HOXA11: variants seen among roughly 807,000 people sequenced by gnomAD.
HOXA11 encodes homeobox protein Hox-A11.
A neutral mutation model predicts 22.5 loss-of-function variants in HOXA11; 8 were observed. The ratio of observed to expected loss-of-function variants is 0.36; its 90% CI spans 0.21 to 0.64. The LOEUF (loss-of-function observed/expected upper bound fraction) is 0.64, where lower values mean the gene tolerates loss of function less well. Ranked by LOEUF, HOXA11 falls within the 30% of genes least tolerant of loss-of-function variation. The pLI, the probability that HOXA11 is intolerant of heterozygous loss-of-function variation, is 0.67. For missense variants in HOXA11, 388 were observed against 429.0 expected (o/e 0.90, Z 0.84); for synonymous variants, 211 against 188.4 (o/e 1.12, Z -0.98).
Position 27,184,836 on chromosome 7 carries a change from A to C in HOXA11, c.309T>G (p.Pro103=), listed in dbSNP as rs201074014. 2.3e-5 allele frequency: 37 copies of C among 1,613,398 alleles called. No individual in the cohort carries two copies. Among genetic ancestry groups the C allele is most frequent in the Admixed American group, 6.7e-5 (4 of 59,998 alleles). ...CLQAPSAAGV[P]GDVLAKSSAN... is the part of the protein sequence containing the mutation. ...CCGAGCTCTTGGCCAGCACGTCGCCAGGCACGCCGGCCGCGCTGGGCGCCT... is the reference window on the plus strand; with the variant it reads ...CCGAGCTCTTGGCCAGCACGTCGCCCGGCACGCCGGCCGCGCTGGGCGCCT... Residue 103 remains proline, a synonymous_variant, in exon 1 of 2, where the codon CCT becomes CCG. Transcript: ENST00000006015.
Position 27,185,202 on chromosome 7 carries a change from G to T in HOXA11, c.-58C>A. The T allele has an allele frequency of 6.2e-7, 1 of 1,611,368 alleles. No homozygotes were observed. Among genetic ancestry groups the T allele is most frequent in the Non-Finnish European group, 8.5e-7 (1 of 1,179,124 alleles). On this transcript the variant is annotated 5_prime_UTR_variant, in exon 1 of 2. The change creates a new upstream start codon in the 5' untranslated region. Coordinates refer to ENST00000006015, the MANE Select transcript of HOXA11 (RefSeq NM_005523.6). ...GAGCTTAACATGATTCTCCACTGCA[G>T]CTGCCTCTTTGAAGCGGATCCGTGA...
Position 27,185,172 on chromosome 7 carries a change from T to C in HOXA11, c.-28A>G. ...TTGGGCTACCTTGGGCTCTCCGCAG[T>C]AGCCGAGCTTAACATGATTCTCCAC... On this transcript the variant is annotated 5_prime_UTR_variant, in exon 1 of 2. Coordinates refer to ENST00000006015, the MANE Select transcript of HOXA11 (RefSeq NM_005523.6). The C allele has an allele frequency of 6.2e-7, 1 of 1,613,328 alleles. No individual in the cohort carries two copies. Among genetic ancestry groups the C allele is most frequent in the Non-Finnish European group, 8.5e-7 (1 of 1,179,982 alleles).
rs749443046 is a variant in HOXA11 at position 27,184,587 on chromosome 7, C to T, written c.558G>A (p.Ala186=). 11 of 1,495,724 alleles carry T rather than the reference C, an allele frequency of 7.4e-6. No individual in the cohort carries two copies. Among genetic ancestry groups the T allele is most frequent in the South Asian group, 5.2e-5 (4 of 77,652 alleles). The allele number at this position is 1,495,724 out of a possible 1,614,324, so 92.7% of individuals were successfully genotyped here. ...SAAAAAAATG[A]PATSSSDSGG... is the part of the protein sequence containing the mutation. The stretch of plus-strand genomic sequence containing the variant: ...CGCTGTCCGAACTTGAAGTTGCCGG[C>T]GCGCCCGTTGCAGCCGCCGCCGCCG... Residue 186 remains alanine, a synonymous_variant, in exon 1 of 2, where the codon GCG becomes GCA. Transcript: ENST00000006015.
At chr7:27,184,359 TA>T in intron 1 of HOXA11, 76 bp downstream of exon 1, 1 of 1,422,394 alleles carries the variant, frequency 7.0e-7, no homozygotes. Flanking sequence ...AAACAGCATA[TA>T]AAAATTTAAC....
chr7:27,185,089 G>C lies in HOXA11; in HGVS notation c.56C>G (p.Thr19Ser), dbSNP rs200901022. ...CSSNMYLPSC[T>S]YYVSGPDFSS... ...GAAATCTGGACCCGAGACGTAGTAA[G>C]TACAACTTGGCAAATACATGTTAGA... The change falls in exon 1 of 2, where the codon ACT becomes AGT. Residue 19 changes from threonine (T) to serine (S), a missense_variant. Transcript: ENST00000006015. 1.2e-6 allele frequency: 2 copies of C among 1,614,180 alleles called. No individual in the cohort carries two copies. The highest frequency in any genetic ancestry group is 3.3e-5 in the Admixed American group (2 of 60,034).
At position 27,182,631 on chromosome 7, in the gene HOXA11, T is replaced by A. The variant is rs1397924418; in HGVS notation, c.*165A>T. 2.9e-6 allele frequency: 2 copies of A among 688,384 alleles called. No homozygotes were observed. The highest frequency in any genetic ancestry group is 3.5e-5 in the African/African-American group (2 of 56,392). 42.6% of individuals were successfully genotyped at this position (688,384 alleles called of 1,614,324 possible). On this transcript the variant is annotated 3_prime_UTR_variant, in exon 2 of 2. Transcript: ENST00000006015. Reference sequence around the variant, plus strand: ...TTAGGAATCTTAACCACTGAGATCTTAATCAAGAGAGTCCCAGACCACCTC... The same window carrying A: ...TTAGGAATCTTAACCACTGAGATCTAAATCAAGAGAGTCCCAGACCACCTC...
intron 1 of HOXA11, among the ~76,000 whole-genome samples, chr7:27,183,642 CCACACGGCCATCCTG>C (rs1163006307): frequency 1.3e-5 from 2 of 151,888 alleles, no homozygotes; most frequent in Non-Finnish European, 2.9e-5. Flanking sequence ...AGCACCACGG[CCACACGGCCATCCTG>C]CACACGGCAG....
intron 1 of HOXA11, among the ~76,000 whole-genome samples, chr7:27,183,464 G>T (rs891564119): frequency 9.9e-5 from 15 of 152,236 alleles, no homozygotes; most frequent in African/African-American, 3.6e-4. Flanking sequence ...TCCAGTCCCA[G>T]TCTTTCCCGG....
Position 27,184,627 on chromosome 7 carries a change from G to A in HOXA11, c.518C>T (p.Thr173Met), listed in dbSNP as rs775987545. Residue 173 changes from threonine (T) to methionine (M), a missense_variant, in exon 1 of 2, where the codon ACG becomes ATG. By Grantham distance (81) the Thr-to-Met change is moderately conservative. Transcript: ENST00000006015. ...KSAEKGPPAA[T>M]ATSAAAAAAA... is the part of the protein sequence containing the mutation. Reference sequence around the variant, plus strand: ...CGCCGCCGCCGCCGCGGAGGTCGCCGTGGCCGCCGGGGGCCCCTTCTCGGC... The same window carrying A: ...CGCCGCCGCCGCCGCGGAGGTCGCCATGGCCGCCGGGGGCCCCTTCTCGGC... 1.6e-5 allele frequency: 25 copies of A among 1,547,772 alleles called. No individual in the cohort carries two copies. Among genetic ancestry groups the A allele is most frequent in the Non-Finnish European group, 2.2e-5 (25 of 1,149,916 alleles).
rs1401940133 is a variant in HOXA11 at position 27,184,419 on chromosome 7, G to C, written c.709+17C>G. 3 of 1,573,646 alleles carry C rather than the reference G, an allele frequency of 1.9e-6. No homozygotes were observed. Among genetic ancestry groups the C allele is most frequent in the Non-Finnish European group, 2.6e-6 (3 of 1,159,998 alleles). ...ACTCCCCTTTCATAAAGCGCAGGGC[G>C]CTGCCTTTATACGTACTGGAGCCGC... On this transcript the variant is annotated intron_variant, in intron 1 of 1. Coordinates refer to ENST00000006015, the MANE Select transcript of HOXA11 (RefSeq NM_005523.6).
Position 27,182,695 on chromosome 7 carries a change from T to G in HOXA11, c.*101A>C, listed in dbSNP as rs2115461106. On this transcript the variant is annotated 3_prime_UTR_variant, in exon 2 of 2. Coordinates refer to ENST00000006015, the MANE Select transcript of HOXA11 (RefSeq NM_005523.6). ...TCCATGCATCCCTCTCTTGCACACCTCTTTTCAAAAGTCACCATGTGGCTT... is the reference window on the plus strand; with the variant it reads ...TCCATGCATCCCTCTCTTGCACACCGCTTTTCAAAAGTCACCATGTGGCTT... The G allele has an allele frequency of 1.2e-6, 1 of 810,364 alleles. No individual in the cohort carries two copies. The highest frequency in any genetic ancestry group is 2.2e-6 in the Non-Finnish European group (1 of 451,662). The allele number at this position is 810,364 out of a possible 1,614,324, so 50.2% of individuals were successfully genotyped here. A position where few individuals can be genotyped will look rare whatever the true frequency, so the allele number is the denominator to read the frequency against.
chr7:27,181,682 A>G lies in HOXA11; in HGVS notation c.*1114T>C, dbSNP rs999320696. On this transcript the variant is annotated 3_prime_UTR_variant, in exon 2 of 2. Transcript: ENST00000006015. ...TCCCCTCTACATTGCATCTTTTAAA[A>G]TTCGCTTTGGTTCCTTCAGGGAAAT... 1.1e-5 allele frequency: 2 copies of G among 177,654 alleles called. No individual in the cohort carries two copies. The highest frequency in any genetic ancestry group is 2.4e-5 in the Non-Finnish European group (2 of 82,732). 11.0% of individuals were successfully genotyped at this position (177,654 alleles called of 1,614,324 possible). A position where few individuals can be genotyped will look rare whatever the true frequency, so the allele number is the denominator to read the frequency against.
Position 27,182,275 on chromosome 7 carries a change from G to T in HOXA11, c.*521C>A, listed in dbSNP as rs755360261. On this transcript the variant is annotated 3_prime_UTR_variant, in exon 2 of 2. Transcript: ENST00000006015. ...ATTTGCAGCCCTCTTCCACCTCAAAGCTACCTCCAAGTCCAGCCGCTGTTC... is the reference window on the plus strand; with the variant it reads ...ATTTGCAGCCCTCTTCCACCTCAAATCTACCTCCAAGTCCAGCCGCTGTTC... The T allele has an allele frequency of 3.8e-5, 10 of 260,024 alleles. No homozygotes were observed. The highest frequency in any genetic ancestry group is 7.5e-5 in the Non-Finnish European group (10 of 133,082). 16.1% of individuals were successfully genotyped at this position (260,024 alleles called of 1,614,324 possible). A position where few individuals can be genotyped will look rare whatever the true frequency, so the allele number is the denominator to read the frequency against.
intron 1 of HOXA11, 46 bp from the exon 2 acceptor site, chr7:27,183,074 C>T (rs1381498517): frequency 7.8e-7 from 1 of 1,279,462 alleles, no homozygotes; most frequent in Non-Finnish European, 1.1e-6. Context: ...GTGGGGGCTG[C>T]AATCCACCCC....
chr7:27,182,784 G>T lies in HOXA11; in HGVS notation c.*12C>A, dbSNP rs1325039343. ...GTATGAAGCCCCCCACCCAATTCCA[G>T]CCGCTGGAGTCTTAGAGGAGTGGAT... is the stretch of plus-strand genomic sequence containing the variant. On this transcript the variant is annotated 3_prime_UTR_variant, in exon 2 of 2. Transcript: ENST00000006015. 1.2e-5 allele frequency: 18 copies of T among 1,530,660 alleles called. No homozygotes were observed. Among genetic ancestry groups the T allele is most frequent in the Non-Finnish European group, 1.5e-5 (17 of 1,104,488 alleles). 94.8% of individuals were successfully genotyped at this position (1,530,660 alleles called of 1,614,324 possible). A position where few individuals can be genotyped will look rare whatever the true frequency, so the allele number is the denominator to read the frequency against.
chr7:27,184,455 C>T lies in HOXA11; in HGVS notation c.690G>A (p.Glu230=), dbSNP rs1375394276. The change falls in exon 1 of 2, where the codon GAG becomes GAA. Residue 230 remains glutamate (E), a synonymous_variant. Transcript: ENST00000006015. ...SSPESSSGHT[E]DKAGGSSGQR... ...ACGTACTGGAGCCGCCGGCCTTGTC[C>T]TCAGTGTGGCCGGAAGACGACTCGG... 3 of 1,567,584 alleles carry T rather than the reference C, an allele frequency of 1.9e-6. No homozygotes were observed. In the South Asian group the frequency reaches 3.5e-5, roughly 18 times the overall value.
At chr7:27,184,216 T>C (rs1783818337) in intron 1 of HOXA11, among the ~76,000 whole-genome samples, 2 of 152,172 alleles carry the variant, frequency 1.3e-5, no homozygotes, top group South Asian at 4.1e-4. Context: ...GGGAGTTGTT[T>C]TTTTTTGCAG....
In HOXA11 at chr7:27,182,880, T is replaced by C; in HGVS notation, c.858A>G (p.Lys286=). The stretch of plus-strand genomic sequence containing the variant: ...TCATTCTCCTGTTCTGAAACCAGAT[T>C]TTGACTTGACGATCAGTGAGGTTGA... ...RMLNLTDRQV[K]IWFQNRRMKE... The change falls in exon 2 of 2, where the codon AAA becomes AAG. Residue 286 remains lysine (K), a synonymous_variant. Transcript: ENST00000006015. 1.2e-6 allele frequency: 2 copies of C among 1,614,178 alleles called. No individual in the cohort carries two copies. Among genetic ancestry groups the C allele is most frequent in the Non-Finnish European group, 1.7e-6 (2 of 1,180,004 alleles).
At chr7:27,184,413 C>G (rs752001907) in intron 1 of HOXA11, 23 bp downstream of exon 1, 1 of 1,572,582 alleles carries the variant, frequency 6.4e-7, no homozygotes, top group Non-Finnish European at 8.6e-7. Context: ...TCATAAAGCG[C>G]AGGGCGCTGC....
Sources: allele counts gnomAD v4.1 joint callset (sites outside exome capture counted in the v4.1 genomes callset), GRCh38; gene constraint gnomAD v4.1.1; transcripts MANE v1.5; gene names NCBI Gene and HGNC (gene_info 2026-07-23, HGNC 2026-07-21).